Variants in PCDHA4 observed in about 807,000 individuals in gnomAD.
PCDHA4 encodes the protein protocadherin alpha 4.
Under a neutral mutation model 61.4 loss-of-function variants are expected in PCDHA4, and 49 were observed. The ratio of observed to expected loss-of-function variants is 0.80; its 90% CI spans 0.63 to 1.01. The LOEUF (loss-of-function observed/expected upper bound fraction) is 1.01. Ranked by LOEUF, PCDHA4 falls within the 50% of genes least tolerant of loss-of-function variation. PCDHA4 has a pLI of 0.00. For synonymous variants in PCDHA4, 590 were observed against 550.3 expected (o/e 1.07, Z -1.01); for missense variants, 1,254 against 1,235.8 (o/e 1.01, Z -0.22).
At chr5:140,826,874 A>G (rs1217835279) in intron 1 of PCDHA4, among the ~76,000 whole-genome samples, 1 of 152,186 alleles carries the variant, frequency 6.6e-6, no homozygotes, top group Non-Finnish European at 1.5e-5. Flanking sequence ...GTAAAATTCA[A>G]TGAAAGCTGT....
At chr5:140,999,182 G>T (rs1285087964) in intron 3 of PCDHA4, among the ~76,000 whole-genome samples, 4 of 152,204 alleles carry the variant, frequency 2.6e-5, no homozygotes, top group Non-Finnish European at 5.9e-5. Context: ...CTGATGGGGA[G>T]AGGGTCCTTG....
rs2150178565 is a variant in PCDHA4, at chr5:140,829,957, T to C, written c.2385+20385T>C. ...CGGCAAGCAGCGCTCGCTTCCCGTT[T>C]CGCGTGGGGCTGTACACGGGCGAGA... On this transcript the variant is annotated intron_variant, in intron 1 of 3. Transcript: ENST00000530339. 2.4e-5 allele frequency: 39 copies of C among 1,613,964 alleles called. No homozygotes were observed. In the East Asian group the frequency reaches 3.1e-4, roughly 13 times the overall value.
chr5:140,831,399 A>T (rs2150194241), intron 1 of PCDHA4, among the ~76,000 whole-genome samples: 1 of 150,984 alleles, frequency 6.6e-6, no homozygotes. Flanking sequence ...TTGCTCTGTC[A>T]CCCATGCTGG....
chr5:140,843,293 G>T, intron 1 of PCDHA4: 1 of 1,595,972 alleles, frequency 6.3e-7, no homozygotes, highest in East Asian at 2.2e-5. Context: ...TGGTGAACCT[G>T]CGCTGACCGC....
chr5:140,882,020 C>CA, intron 1 of PCDHA4: 1 of 561,726 alleles, frequency 1.8e-6, no homozygotes, highest in East Asian at 3.1e-5. Context: ...AATACTACAT[C>CA]AATGGAAAAT....
Position 140,841,941 on chromosome 5 carries a change from C to A in PCDHA4, c.2385+32369C>A, listed in dbSNP as rs2150325943. The A allele has an allele frequency of 6.2e-6, 10 of 1,613,918 alleles. No individual in the cohort carries two copies. In the South Asian group the frequency reaches 7.7e-5, roughly 12 times the overall value. ...TCCTTGGACAGAGAGGACGCTCCTG[C>A]GCACCACTTATTCCTGACAGCCACA... On this transcript the variant is annotated intron_variant, in intron 1 of 3. Coordinates refer to ENST00000530339, the MANE Select transcript of PCDHA4 (RefSeq NM_018907.4).
In PCDHA4 at chr5:141,011,865, G is replaced by A. The variant is rs372303007; in HGVS notation, c.*1928G>A. Reference sequence around the variant, plus strand: ...TAAGACATTTTAATTTTGTTATAATGTACAATTTAGAAGTTTGATTAATTA... The same window carrying A: ...TAAGACATTTTAATTTTGTTATAATATACAATTTAGAAGTTTGATTAATTA... On this transcript the variant is annotated 3_prime_UTR_variant, in exon 4 of 4. Coordinates refer to ENST00000530339, the MANE Select transcript of PCDHA4 (RefSeq NM_018907.4). 40 of 153,574 alleles carry A rather than the reference G, an allele frequency of 2.6e-4. No individual in the cohort carries two copies. The highest frequency in any genetic ancestry group is 3.4e-3 in the Middle Eastern group (1 of 294). 9.5% of individuals were successfully genotyped at this position (153,574 alleles called of 1,614,324 possible).
intron 1 of PCDHA4, among the ~76,000 whole-genome samples, chr5:140,960,928 AAGTTT>A (rs2095579865): frequency 6.6e-6 from 1 of 152,184 alleles, no homozygotes; most frequent in South Asian, 2.1e-4. Context: ...AATTGGTACT[AAGTTT>A]AGTGAATTAG....
intron 3 of PCDHA4, among the ~76,000 whole-genome samples, chr5:140,990,224 G>A (rs1368393390): frequency 6.6e-6 from 1 of 152,160 alleles, no homozygotes; most frequent in South Asian, 2.1e-4. Flanking sequence ...GAAGTTTATT[G>A]TAACTAGCGT....
At chr5:140,937,399 T>C (rs2091517737) in intron 1 of PCDHA4, among the ~76,000 whole-genome samples, 1 of 152,226 alleles carries the variant, frequency 6.6e-6, no homozygotes, top group African/African-American at 2.4e-5. Context: ...TATAGGGGTA[T>C]TGCACAACTT....
intron 3 of PCDHA4, among the ~76,000 whole-genome samples, chr5:140,993,787 A>AT (rs1554253947): frequency 6.6e-6 from 1 of 152,196 alleles, no homozygotes; most frequent in Non-Finnish European, 1.5e-5. Context: ...GTACAGTAAC[A>AT]TGCTGTGCAG....
chr5:140,820,653 A>G (rs191345259), intron 1 of PCDHA4, among the ~76,000 whole-genome samples: 12 of 152,236 alleles, frequency 7.9e-5, no homozygotes, highest in Admixed American at 7.8e-4. Context: ...TTAAAAAGTA[A>G]TTAAACTAAT....
At chr5:140,870,489 C>A in intron 1 of PCDHA4, 1 of 1,614,222 alleles carries the variant, frequency 6.2e-7, no homozygotes, top group South Asian at 1.1e-5. Context: ...ACACCGTGTT[C>A]GTGAAGGAGA....
At chr5:140,840,727 A>G (rs1199707180) in intron 1 of PCDHA4, among the ~76,000 whole-genome samples, 1 of 152,100 alleles carries the variant, frequency 6.6e-6, no homozygotes, top group Admixed American at 6.5e-5. Flanking sequence ...AATAAAGAAA[A>G]GCAAAAATTT....
chr5:140,959,303 T>C (rs1467527270), intron 1 of PCDHA4, among the ~76,000 whole-genome samples: 1 of 151,938 alleles, frequency 6.6e-6, no homozygotes, highest in African/African-American at 2.4e-5. Flanking sequence ...CTGAGCCCGG[T>C]GGTTGAAGCT....
At chr5:140,837,917 G>A (rs1390684989) in intron 1 of PCDHA4, among the ~76,000 whole-genome samples, 2 of 151,626 alleles carry the variant, frequency 1.3e-5, no homozygotes, top group African/African-American at 4.9e-5. Flanking sequence ...GGCTTCAAGC[G>A]ATCCTCCTAC....
intron 1 of PCDHA4, chr5:140,829,178 G>C (rs2150163501): frequency 6.2e-7 from 1 of 1,614,150 alleles, no homozygotes; most frequent in South Asian, 1.1e-5. Context: ...ACGTGAAGAC[G>C]CTCAATTTGG....
intron 1 of PCDHA4, chr5:140,865,130 T>G (rs1221612986): frequency 3.3e-5 from 5 of 152,216 alleles, no homozygotes; most frequent in African/African-American, 1.2e-4. Flanking sequence ...TAATTATACC[T>G]TAGAATTTAA....
At chr5:140,994,785 A>G (rs942763350) in intron 3 of PCDHA4, among the ~76,000 whole-genome samples, 2 of 152,168 alleles carry the variant, frequency 1.3e-5, no homozygotes, top group African/African-American at 4.8e-5. Flanking sequence ...AAAGGAAACA[A>G]TGCGTGCATG....
Sources: allele counts gnomAD v4.1 joint callset (sites outside exome capture counted in the v4.1 genomes callset), GRCh38; gene constraint gnomAD v4.1.1; transcripts MANE v1.5; gene names NCBI Gene and HGNC (gene_info 2026-07-23, HGNC 2026-07-21).